Variants in AUTS2 observed in about 807,000 individuals in gnomAD.
The protein encoded by AUTS2 is activator of transcription and developmental regulator AUTS2, also known as autism susceptibility gene 2 protein.
A neutral mutation model predicts 112.4 loss-of-function variants in AUTS2; 17 were observed. The observed-to-expected ratio is 0.15, with a 90% confidence interval of 0.10 to 0.23. The LOEUF (loss-of-function observed/expected upper bound fraction) is 0.23. Among genes scored for constraint, AUTS2 ranks in the 10% least tolerant of loss-of-function variants. AUTS2 has a pLI of 1.00. For missense variants in AUTS2, 1,510 were observed against 1,701.6 expected (o/e 0.89, Z 1.98); for synonymous variants, 751 against 702.7 (o/e 1.07, Z -1.09).
intron 2 of AUTS2, among the ~76,000 whole-genome samples, chr7:69,911,668 G>T (rs192724801): frequency 6.6e-6 from 1 of 152,160 alleles, no homozygotes; most frequent in Non-Finnish European, 1.5e-5. Flanking sequence ...GAGGCGAGCC[G>T]CAGTGGTAGC....
At chr7:70,149,522 G>A (rs1390758383) in intron 4 of AUTS2, among the ~76,000 whole-genome samples, 1 of 151,898 alleles carries the variant, frequency 6.6e-6, no homozygotes, top group Non-Finnish European at 1.5e-5. Flanking sequence ...TTCCATATCA[G>A]CATTTTAGAG....
chr7:70,593,872 A>G (rs1374756524), intron 5 of AUTS2, among the ~76,000 whole-genome samples: 1 of 152,160 alleles, frequency 6.6e-6, no homozygotes, highest in East Asian at 1.9e-4. Flanking sequence ...TTCTATAGAG[A>G]GGCAGGAGAA....
Position 69,985,846 on chromosome 7 carries a change from C to T in AUTS2, c.522+86348C>T, listed in dbSNP as rs146306532. The stretch of plus-strand genomic sequence containing the variant: ...ATATGATTCACTGCAGCCTCGAGCT[C>T]CTCGGTTCAAGTGATCCTCCAGCCT... On this transcript the variant is annotated intron_variant, in intron 2 of 18. Coordinates refer to ENST00000342771, the MANE Select transcript of AUTS2 (RefSeq NM_015570.4). Among the ~76,000 whole-genome samples, 413 of 152,066 alleles carry T rather than the reference C, an allele frequency of 2.7e-3. 1 individual carries two copies. The highest frequency in any genetic ancestry group is 9.1e-3 in the African/African-American group (379 of 41,470).
At chr7:70,091,690 G>A (rs1374165425) in intron 2 of AUTS2, among the ~76,000 whole-genome samples, 3 of 152,162 alleles carry the variant, frequency 2.0e-5, no homozygotes, top group Admixed American at 2.0e-4. Context: ...GGCAGATGAA[G>A]GATAAGTGCT....
chr7:70,767,621 C>A (rs2129557668), intron 9 of AUTS2, among the ~76,000 whole-genome samples: 1 of 152,296 alleles, frequency 6.6e-6, no homozygotes, highest in Admixed American at 6.5e-5. Flanking sequence ...AAGACAGCTG[C>A]ATGGCAAGAC....
chr7:70,389,992 T>C (rs1793780938), intron 4 of AUTS2, among the ~76,000 whole-genome samples: 1 of 152,198 alleles, frequency 6.6e-6, no homozygotes, highest in Non-Finnish European at 1.5e-5. Context: ...GTGCTTCATC[T>C]TCACCGTAGC....
intron 1 of AUTS2, among the ~76,000 whole-genome samples, chr7:69,812,992 G>C (rs1381851794): frequency 6.6e-6 from 1 of 152,086 alleles, no homozygotes; most frequent in East Asian, 1.9e-4. Flanking sequence ...TCACTCCTCA[G>C]TTCAAAATCC....
chr7:69,762,293 C>CTTTTTTTTTTTT lies in AUTS2; in HGVS notation c.310-136973_310-136962dup, dbSNP rs534032498. Reference sequence around the variant, plus strand: ...TTCCCAAACATTTTAGCCAAGTTGTCTTTTTTTTTTTTTTTTTTTTTTTTT... The same window carrying CTTTTTTTTTTTT: ...TTCCCAAACATTTTAGCCAAGTTGTCTTTTTTTTTTTTTTTTTTTTTTTTTTTTTTTTTTTTT... On this transcript the variant is annotated intron_variant, in intron 1 of 18. Transcript: ENST00000342771. Among the ~76,000 whole-genome samples, 3 of 61,586 alleles carry CTTTTTTTTTTTT rather than the reference C, an allele frequency of 4.9e-5. 1 individual carries two copies. Among genetic ancestry groups the CTTTTTTTTTTTT allele is most frequent in the African/African-American group, 6.5e-5 (1 of 15,380 alleles). 40.4% of individuals were successfully genotyped at this position (61,586 alleles called of 152,430 possible). A position where few individuals can be genotyped will look rare whatever the true frequency, so the allele number is the denominator to read the frequency against.
Position 70,158,181 on chromosome 7 carries a change from A to G in AUTS2, c.660+23610A>G, listed in dbSNP as rs181667373. The stretch of plus-strand genomic sequence containing the variant: ...GAGGATAGGAAGGAGCCAGATCCCA[A>G]GTGGTCTTGACAAGTCTTGTTAAAG... On this transcript the variant is annotated intron_variant, in intron 4 of 18. Coordinates refer to ENST00000342771, the MANE Select transcript of AUTS2 (RefSeq NM_015570.4). 7.2e-5 allele frequency among the ~76,000 whole-genome samples: 11 copies of G among 152,074 alleles called. No individual in the cohort carries two copies. In the East Asian group the frequency reaches 2.1e-3, roughly 30 times the overall value.
At chr7:70,149,509 C>A (rs1807311469) in intron 4 of AUTS2, among the ~76,000 whole-genome samples, 1 of 151,950 alleles carries the variant, frequency 6.6e-6, no homozygotes, top group South Asian at 2.1e-4. Context: ...TACGATCTTC[C>A]TTTTCCATAT....
Position 70,614,572 on chromosome 7 carries a change from G to A in AUTS2, c.691-83997G>A, listed in dbSNP as rs139933593. Reference sequence around the variant, plus strand: ...CAGGGATTGGAACTTGCTGCAGAGAGTGCTTCCTTGTCAGCCTCAGAGCCA... The same window carrying A: ...CAGGGATTGGAACTTGCTGCAGAGAATGCTTCCTTGTCAGCCTCAGAGCCA... On this transcript the variant is annotated intron_variant, in intron 5 of 18. Coordinates refer to ENST00000342771, the MANE Select transcript of AUTS2 (RefSeq NM_015570.4). Among the ~76,000 whole-genome samples, 13 of 152,336 alleles carry A rather than the reference G, an allele frequency of 8.5e-5. No individual in the cohort carries two copies. In the East Asian group the frequency reaches 1.7e-3, roughly 20 times the overall value.
At chr7:70,491,428 A>G (rs938919801) in intron 5 of AUTS2, among the ~76,000 whole-genome samples, 7 of 123,886 alleles carry the variant, frequency 5.7e-5, no homozygotes, top group Non-Finnish European at 1.2e-4. Flanking sequence ...ATACACACAC[A>G]CACACACACA....
intron 2 of AUTS2, among the ~76,000 whole-genome samples, chr7:70,073,028 T>G: frequency 2.4e-5 from 1 of 41,664 alleles, no homozygotes; most frequent in Non-Finnish European, 4.8e-5. Flanking sequence ...TCCCCTCCCC[T>G]CCCCTCCCTT....
intron 1 of AUTS2, among the ~76,000 whole-genome samples, chr7:69,616,747 C>T (rs1228387634): frequency 6.6e-6 from 1 of 152,042 alleles, no homozygotes; most frequent in African/African-American, 2.4e-5. Flanking sequence ...TTTGGAGATC[C>T]TCATGGGCAG....
rs182268062 is a variant in AUTS2 at position 70,684,231 on chromosome 7, G to A, written c.691-14338G>A. ...AAGATTATTAATACTTTCAGGTAAC[G>A]TTTCCAGGAGGAGATAGCAAAGCCT... On this transcript the variant is annotated intron_variant, in intron 5 of 18. Coordinates refer to ENST00000342771, the MANE Select transcript of AUTS2 (RefSeq NM_015570.4). Among the ~76,000 whole-genome samples, 7 of 152,208 alleles carry A rather than the reference G, an allele frequency of 4.6e-5. No individual in the cohort carries two copies. In the East Asian group the frequency reaches 7.7e-4, roughly 17 times the overall value.
chr7:70,345,906 A>G (rs35303761), intron 4 of AUTS2, among the ~76,000 whole-genome samples: 44,224 of 152,050 alleles, frequency 0.29, 6,745 homozygotes, highest in African/African-American at 0.38. Flanking sequence ...ATCAGCAAAT[A>G]TCCAGATAGT....
intron 1 of AUTS2, among the ~76,000 whole-genome samples, chr7:69,886,454 T>A (rs567239827): frequency 6.6e-6 from 1 of 152,340 alleles, no homozygotes; most frequent in Admixed American, 6.5e-5. Flanking sequence ...CACTTCCTGA[T>A]ATGCTGTGTA....
At chr7:70,002,564 A>C (rs1017861852) in intron 2 of AUTS2, among the ~76,000 whole-genome samples, 8 of 152,146 alleles carry the variant, frequency 5.3e-5, no homozygotes, top group African/African-American at 1.9e-4. Context: ...GGCGAAAATA[A>C]GATTTGCTAG....
Position 69,846,140 on chromosome 7 carries a change from A to G in AUTS2, c.310-53146A>G, listed in dbSNP as rs550913322. ...TGTGCCTTTTGTTAATATATTCTAC[A>G]TGCATTTTGCTTCTAGGCATATTGA... On this transcript the variant is annotated intron_variant, in intron 1 of 18. Transcript: ENST00000342771. 2.0e-5 allele frequency among the ~76,000 whole-genome samples: 3 copies of G among 151,364 alleles called. No homozygotes were observed. In the East Asian group the frequency reaches 5.8e-4, roughly 29 times the overall value.
Sources: allele counts gnomAD v4.1 joint callset (sites outside exome capture counted in the v4.1 genomes callset), GRCh38; gene constraint gnomAD v4.1.1; transcripts MANE v1.5; gene names NCBI Gene and HGNC (gene_info 2026-07-23, HGNC 2026-07-21).